ARRDC5: variants seen among roughly 807,000 people sequenced by gnomAD.
ARRDC5 encodes the protein arrestin domain containing 5, also known as arrestin domain-containing protein 5.
ARRDC5 carries 12 observed loss-of-function variants against 13.3 expected under a neutral mutation model. The ratio of observed to expected loss-of-function variants is 0.90; its 90% confidence interval spans 0.58 to 1.46. The LOEUF is 1.46. Among genes scored for constraint, ARRDC5 ranks in the 40% most tolerant of loss-of-function variants. The pLI, the probability that ARRDC5 is intolerant of heterozygous loss-of-function variation, is 0.00. For synonymous variants in ARRDC5, 181 were observed against 173.4 expected (o/e 1.04, Z -0.34); for missense variants, 406 against 418.7 (o/e 0.97, Z 0.26).
At chr19:4,913,181 T>C in the ARRDC5 span, among the ~76,000 whole-genome samples, 1 of 152,020 alleles carries the variant, frequency 6.6e-6, no homozygotes, top group South Asian at 2.1e-4. Context: ...CATACAATAG[T>C]GTCTGTCACA....
At chr19:4,911,269 A>G in the ARRDC5 span, among the ~76,000 whole-genome samples, 5 of 152,178 alleles carry the variant, frequency 3.3e-5, no homozygotes, top group African/African-American at 9.7e-5. Context: ...CCTCGAATCT[A>G]TAGGGTCTGG....
chr19:4,891,919 C>T (rs551393404), intron 2 of ARRDC5, among the ~76,000 whole-genome samples: 1 of 146,164 alleles, frequency 6.8e-6, no homozygotes, highest in Non-Finnish European at 1.5e-5. Context: ...TGTGTGATTG[C>T]ACTTCAGCCA....
intron 1 of ARRDC5, among the ~76,000 whole-genome samples, chr19:4,901,719 A>ACTG (rs1354933923): frequency 9.9e-5 from 15 of 152,120 alleles, no homozygotes; most frequent in African/African-American, 3.4e-4. Context: ...GTTCTGCTTG[A>ACTG]CTGCTTAATA....
the ARRDC5 span, among the ~76,000 whole-genome samples, chr19:4,916,401 G>A: frequency 3.9e-5 from 6 of 152,002 alleles, no homozygotes; most frequent in African/African-American, 1.4e-4. Context: ...TGGCGGAGCC[G>A]TCCCTGGTGA....
At chr19:4,896,360 TTACACAC>T (rs1482617665) in intron 2 of ARRDC5, among the ~76,000 whole-genome samples, 155 of 70,278 alleles carry the variant, frequency 2.2e-3, no homozygotes, top group African/African-American at 9.7e-3. Flanking sequence ...TTTTTTTTTT[TTACACAC>T]ACACACACAC....
intron 2 of ARRDC5, among the ~76,000 whole-genome samples, chr19:4,894,074 GAAGA>G (rs2031614517): frequency 7.5e-6 from 1 of 133,736 alleles, no homozygotes; most frequent in South Asian, 2.5e-4. Flanking sequence ...AGGAGAAGAA[GAAGA>G]AAGAAGAAGA....
At chr19:4,900,908 A>G (rs2031890646) in intron 1 of ARRDC5, among the ~76,000 whole-genome samples, 1 of 151,942 alleles carries the variant, frequency 6.6e-6, no homozygotes, top group Non-Finnish European at 1.5e-5. Context: ...AGTGCCAGCT[A>G]CTCGGGAGGC....
chr19:4,900,885 G>A (rs1047208391), intron 1 of ARRDC5, among the ~76,000 whole-genome samples: 2 of 152,088 alleles, frequency 1.3e-5, no homozygotes, highest in Admixed American at 1.3e-4. Flanking sequence ...TGGGAGTGGT[G>A]GCACACGCCT....
the ARRDC5 span, among the ~76,000 whole-genome samples, chr19:4,914,880 C>T: frequency 6.6e-6 from 1 of 152,006 alleles, no homozygotes; most frequent in Non-Finnish European, 1.5e-5. Flanking sequence ...CGGAGTGAGC[C>T]CTGTGCCAGG....
At chr19:4,902,916 G>T, upstream of ARRDC5, 1 of 1,585,958 alleles carries the variant, frequency 6.3e-7, no homozygotes, top group Non-Finnish European at 8.6e-7. Flanking sequence ...ATCCATCTAT[G>T]ACATCACTCA....
the ARRDC5 span, chr19:4,910,384 C>G: frequency 6.7e-6 from 1 of 148,502 alleles, no homozygotes; most frequent in Non-Finnish European, 1.5e-5. Context: ...CGAGGGGTCC[C>G]GGGGTCCGCG....
rs776557426 is a variant in ARRDC5 at position 4,896,919 on chromosome 19, CT to C, written c.254-44del. 48 of 1,353,742 alleles carry C rather than the reference CT, an allele frequency of 3.5e-5. No individual in the cohort carries two copies. In the African/African-American group the frequency reaches 5.9e-4, roughly 17 times the overall value. The allele number at this position is 1,353,742 out of a possible 1,614,324, so 83.9% of individuals were successfully genotyped here. A position where few individuals can be genotyped will look rare whatever the true frequency, so the allele number is the denominator to read the frequency against. On this transcript the variant is annotated intron_variant, in intron 1 of 2. Coordinates refer to ENST00000650722, the MANE Select transcript of ARRDC5 (RefSeq NM_001080523.3). ...CGATGCCATCAGAAGGTTCTAGAATCTTTTTTCCTTCTTCTTCTTTTTTTTT... is the reference window on the plus strand; with the variant it reads ...CGATGCCATCAGAAGGTTCTAGAATCTTTTTCCTTCTTCTTCTTTTTTTTT...
intron 2 of ARRDC5, among the ~76,000 whole-genome samples, chr19:4,895,150 G>A (rs991285414): frequency 1.7e-4 from 26 of 151,824 alleles, no homozygotes; most frequent in African/African-American, 5.5e-4. Flanking sequence ...GGCTAGGAGC[G>A]GTGGCTAACG....
the ARRDC5 span, among the ~76,000 whole-genome samples, chr19:4,916,534 A>G: frequency 6.6e-6 from 1 of 152,064 alleles, no homozygotes; most frequent in East Asian, 1.9e-4. Flanking sequence ...GTGCCGCTCT[A>G]GGGTCTGTCC....
the ARRDC5 span, chr19:4,909,774 G>C: frequency 2.1e-6 from 1 of 466,526 alleles, no homozygotes; most frequent in East Asian, 3.6e-5. Flanking sequence ...CTCTGTCCCG[G>C]GATCCAGGGC....
upstream of ARRDC5, among the ~76,000 whole-genome samples, chr19:4,904,097 C>T (rs1284873480): frequency 2.0e-5 from 3 of 151,634 alleles, no homozygotes; most frequent in Admixed American, 6.6e-5. Flanking sequence ...CTGCCTCAGC[C>T]TCCCAAGTAG....
chr19:4,901,607 G>C (rs758775153), intron 1 of ARRDC5, among the ~76,000 whole-genome samples: 1 of 152,036 alleles, frequency 6.6e-6, no homozygotes, highest in Non-Finnish European at 1.5e-5. Flanking sequence ...GGGCGAGACT[G>C]TGTCTCAAAA....
upstream of ARRDC5, among the ~76,000 whole-genome samples, chr19:4,907,704 C>CTTTTTTTTTTTTTTTTTTTTTTTTT (rs59867968): frequency 2.1e-5 from 1 of 47,670 alleles, no homozygotes; most frequent in Non-Finnish European, 3.6e-5. Context: ...TTGGCCTGAT[C>CTTTTTTTTTTTTTTTTTTTTTTTTT]TTTTTTTTTT....
At chr19:4,908,110 T>G in the ARRDC5 span, among the ~76,000 whole-genome samples, 1 of 152,212 alleles carries the variant, frequency 6.6e-6, no homozygotes, top group East Asian at 1.9e-4. Context: ...TTTAAGGACA[T>G]TGTGCCCACC....
Sources: allele counts gnomAD v4.1 joint callset (sites outside exome capture counted in the v4.1 genomes callset), GRCh38; gene constraint gnomAD v4.1.1; transcripts MANE v1.5; gene names NCBI Gene and HGNC (gene_info 2026-07-23, HGNC 2026-07-21).